The following ECT2L variants were observed in gnomAD, a reference collection of about 807,000 sequenced individuals.
ECT2L encodes the protein epithelial cell-transforming sequence 2 oncogene-like.
A neutral mutation model predicts 122.8 loss-of-function variants in ECT2L; 126 were observed. The ratio of observed to expected loss-of-function variants is 1.03; its 90% CI spans 0.89 to 1.19. ECT2L has a LOEUF of 1.19. ECT2L is among the 50% of genes most tolerant of loss of function. The pLI, the probability that ECT2L is intolerant of heterozygous loss-of-function variation, is 0.00. For missense variants in ECT2L, 1,012 were observed against 1,064.1 expected, an observed-to-expected ratio of 0.95 and a Z score of 0.68; for synonymous variants, 385 against 381.8, an observed-to-expected ratio of 1.01 and a Z score of -0.10.
intron 11 of ECT2L, 61 bp from the exon 12 acceptor site, chr6:138,864,935 G>A (rs1777972098): frequency 2.2e-5 from 32 of 1,479,054 alleles, no homozygotes; most frequent in Non-Finnish European, 2.9e-5. Context: ...CTTTAAACAA[G>A]ATGTAGAATT....
intron 4 of ECT2L, among the ~76,000 whole-genome samples, chr6:138,828,345 T>A (rs568252011): frequency 1.3e-5 from 2 of 152,340 alleles, no homozygotes; most frequent in East Asian, 3.9e-4. Flanking sequence ...ATAGGTTTTC[T>A]CCCCTCACCC....
At chr6:138,900,366 C>A (rs2128415641) in intron 20 of ECT2L, among the ~76,000 whole-genome samples, 1 of 152,236 alleles carries the variant, frequency 6.6e-6, no homozygotes, top group Non-Finnish European at 1.5e-5. Flanking sequence ...CCTGCCTCAG[C>A]CTCCCAAGTA....
At chr6:138,810,517 C>T (rs1247816800) in intron 1 of ECT2L, among the ~76,000 whole-genome samples, 2 of 152,162 alleles carry the variant, frequency 1.3e-5, no homozygotes, top group Non-Finnish European at 2.9e-5. Context: ...ACAATTGTGG[C>T]AAATAGCACT....
At chr6:138,805,135 A>G (rs1775673067) in intron 1 of ECT2L, among the ~76,000 whole-genome samples, 2 of 152,066 alleles carry the variant, frequency 1.3e-5, no homozygotes, top group Admixed American at 6.6e-5. Flanking sequence ...ATTCATCCTT[A>G]CTGTTTTGTG....
intron 1 of ECT2L, among the ~76,000 whole-genome samples, chr6:138,806,479 G>T (rs1278520772): frequency 6.9e-6 from 1 of 145,538 alleles, no homozygotes; most frequent in African/African-American, 2.6e-5. Flanking sequence ...GGAGTTAGGG[G>T]CACAAATCCC....
intron 1 of ECT2L, among the ~76,000 whole-genome samples, chr6:138,804,582 A>AACACACACACACAC (rs367560936): frequency 6.5e-4 from 95 of 146,476 alleles, no homozygotes; most frequent in African/African-American, 2.1e-3. Context: ...TGAAGTTTTA[A>AACACACACACACAC]ACACACACAC....
At chr6:138,817,053 G>A (rs1048063799) in intron 4 of ECT2L, among the ~76,000 whole-genome samples, 1 of 152,238 alleles carries the variant, frequency 6.6e-6, no homozygotes, top group African/African-American at 2.4e-5. Flanking sequence ...TAGACAGTAT[G>A]TGGTCTTTTG....
chr6:138,862,800 AG>A (rs1777883895), intron 11 of ECT2L, 81 bp downstream of exon 11: 2 of 1,170,138 alleles, frequency 1.7e-6, no homozygotes, highest in Admixed American at 1.8e-5. Flanking sequence ...TCCAGTTAAT[AG>A]TACTGGTATG....
At chr6:138,890,783 TTTTTTGTGTGTAAAAAA>T (rs1778996964) in intron 20 of ECT2L, among the ~76,000 whole-genome samples, 1 of 152,162 alleles carries the variant, frequency 6.6e-6, no homozygotes, top group Non-Finnish European at 1.5e-5. Flanking sequence ...TTCTCTCAAA[TTTTTTGTGTGTAAAAAA>T]TTTATTGTTT....
intron 20 of ECT2L, among the ~76,000 whole-genome samples, chr6:138,889,745 C>T (rs1375490899): frequency 6.6e-6 from 1 of 152,056 alleles, no homozygotes; most frequent in African/African-American, 2.4e-5. Context: ...TTAAAAAGAC[C>T]TTACAGTATT....
chr6:138,811,941 A>G (rs532961201), intron 1 of ECT2L, among the ~76,000 whole-genome samples: 1 of 152,126 alleles, frequency 6.6e-6, no homozygotes, highest in Admixed American at 6.5e-5. Context: ...CACCCACCTC[A>G]GCCTCCCAAA....
At chr6:138,899,552 G>A (rs1779326488) in intron 20 of ECT2L, among the ~76,000 whole-genome samples, 1 of 152,050 alleles carries the variant, frequency 6.6e-6, no homozygotes, top group African/African-American at 2.4e-5. Flanking sequence ...GTGCTATGTG[G>A]AAAAGTAGAG....
chr6:138,900,369 C>A (rs1779358240), intron 20 of ECT2L, among the ~76,000 whole-genome samples: 1 of 152,086 alleles, frequency 6.6e-6, no homozygotes, highest in South Asian at 2.1e-4. Context: ...GCCTCAGCCT[C>A]CCAAGTAGGT....
intron 4 of ECT2L, among the ~76,000 whole-genome samples, chr6:138,820,693 A>G (rs1280533117): frequency 1.3e-5 from 2 of 152,234 alleles, no homozygotes; most frequent in Admixed American, 1.3e-4. Context: ...CCTTTTACAC[A>G]CAGGAGAAAG....
At chr6:138,825,824 G>A (rs1313068814) in intron 4 of ECT2L, among the ~76,000 whole-genome samples, 1 of 152,118 alleles carries the variant, frequency 6.6e-6, no homozygotes, top group Non-Finnish European at 1.5e-5. Flanking sequence ...TTTAGCACAT[G>A]CTTCTTCATT....
At chr6:138,826,616 G>A (rs867112423) in intron 4 of ECT2L, among the ~76,000 whole-genome samples, 4 of 152,032 alleles carry the variant, frequency 2.6e-5, no homozygotes, top group Non-Finnish European at 2.9e-5. Context: ...GCAGTGAGCC[G>A]AGATTGCATT....
chr6:138,844,587 A>T lies in ECT2L; in HGVS notation c.764+7A>T. Reference sequence around the variant, plus strand: ...TAGAAACCTTGCCCAAGCGGTAAGCAAAATTCCATCTACTGAAGGCTCAAC... The same window carrying T: ...TAGAAACCTTGCCCAAGCGGTAAGCTAAATTCCATCTACTGAAGGCTCAAC... On this transcript the variant is annotated splice_region_variant and intron_variant, in intron 7 of 21. Transcript: ENST00000541398. 1 of 1,613,616 alleles carries T rather than the reference A, an allele frequency of 6.2e-7. No homozygotes were observed. Among genetic ancestry groups the T allele is most frequent in the South Asian group, 1.1e-5 (1 of 91,008 alleles).
chr6:138,838,557 C>A, intron 5 of ECT2L, 43 bp downstream of exon 5: 2 of 1,562,578 alleles, frequency 1.3e-6, no homozygotes, highest in South Asian at 1.2e-5. Flanking sequence ...ACAAGTACAG[C>A]TGTAATCTGT....
At chr6:138,859,308 T>C (rs1263080112) in intron 10 of ECT2L, among the ~76,000 whole-genome samples, 1 of 152,254 alleles carries the variant, frequency 6.6e-6, no homozygotes, top group African/African-American at 2.4e-5. Flanking sequence ...CATTAATTTG[T>C]TGATAGATAA....
Sources: allele counts gnomAD v4.1 joint callset (sites outside exome capture counted in the v4.1 genomes callset), GRCh38; gene constraint gnomAD v4.1.1; transcripts MANE v1.5; gene names NCBI Gene and HGNC (gene_info 2026-07-23, HGNC 2026-07-21).